HEATR5A: variants seen among roughly 807,000 people sequenced by gnomAD.
HEATR5A encodes the protein HEAT repeat containing 5A, also known as HEAT repeat-containing protein 5A.
In HEATR5A, 178 loss-of-function variants were observed where a neutral mutation model predicts 218.8. The observed-to-expected ratio is 0.81, with a 90% CI of 0.72 to 0.92. The LOEUF (loss-of-function observed/expected upper bound fraction) is 0.92. HEATR5A is among the 40% of genes least tolerant of loss of function. HEATR5A has a pLI of 0.00. For synonymous variants in HEATR5A, 864 were observed against 871.6 expected (o/e 0.99, Z 0.15); for missense variants, 2,420 against 2,418.9 (o/e 1.00, Z -0.01).
chr14:31,346,388 G>C (rs1005864944), intron 19 of HEATR5A, among the ~76,000 whole-genome samples: 1 of 152,238 alleles, frequency 6.6e-6, no homozygotes, highest in Non-Finnish European at 1.5e-5. Context: ...TCAAGTACTA[G>C]ATGAAGTGGA....
chr14:31,313,500 A>C (rs552152418), intron 27 of HEATR5A, among the ~76,000 whole-genome samples: 3 of 152,334 alleles, frequency 2.0e-5, no homozygotes, highest in African/African-American at 7.2e-5. Flanking sequence ...TGGCCTAATA[A>C]TCCATCTTAA....
Position 31,326,295 on chromosome 14 carries a change from G to A in HEATR5A, c.3415C>T (p.Leu1139=), listed in dbSNP as rs1327731076. The A allele has an allele frequency of 6.2e-7, 1 of 1,613,250 alleles. No individual in the cohort carries two copies. Among genetic ancestry groups the A allele is most frequent in the Non-Finnish European group, 8.5e-7 (1 of 1,179,462 alleles). Residue 1139 remains leucine (L), a synonymous_variant, in exon 23 of 36, where the codon CTA becomes TTA. Coordinates refer to ENST00000543095, the MANE Select transcript of HEATR5A (RefSeq NM_015473.4). ...AATCTCTCATCTGTCTCCTTGTCTA[G>A]TAAGATCAACAATGCCCCCTCAAGG... ...VGLEGALLIL[L]DKETDERLCH...
At chr14:31,386,162 G>T (rs2030210686) in intron 9 of HEATR5A, among the ~76,000 whole-genome samples, 1 of 152,166 alleles carries the variant, frequency 6.6e-6, no homozygotes, top group Non-Finnish European at 1.5e-5. Flanking sequence ...GAAAGTTCAG[G>T]TTTACTTCTC....
chr14:31,336,209 CATACATACATAT>C (rs1287967647), intron 22 of HEATR5A, among the ~76,000 whole-genome samples: 1,157 of 57,522 alleles, frequency 0.02, 57 homozygotes, highest in South Asian at 0.032. Context: ...TTTATATATA[CATACATACATAT>C]ATATATATAT....
At chr14:31,414,987 G>A (rs6571420) in intron 1 of HEATR5A, among the ~76,000 whole-genome samples, 129,584 of 152,042 alleles carry the variant, frequency 0.85, 55,421 homozygotes, top group East Asian at 0.94. Flanking sequence ...ATTAAGGCGC[G>A]CACCACCATG....
At chr14:31,297,681 A>C (rs1000971655) in intron 33 of HEATR5A, 14 of 151,980 alleles carry the variant, frequency 9.2e-5, no homozygotes, top group African/African-American at 3.1e-4. Context: ...TAAAATAAGT[A>C]CACAGTTAAT....
rs746834733 is a variant in HEATR5A, at chr14:31,380,589, A to G, written c.1597-11T>C. On this transcript the variant is annotated splice_polypyrimidine_tract_variant and intron_variant, in intron 10 of 35. Transcript: ENST00000543095. ...TAATGTCATAATAATCTATTTACAT[A>G]TAGAACAAGTTTTAAAAAAAGCATA... 3.3e-5 allele frequency: 51 copies of G among 1,529,938 alleles called. 1 individual carries two copies. In the Admixed American group the frequency reaches 9.7e-4, roughly 29 times the overall value. 94.8% of individuals were successfully genotyped at this position (1,529,938 alleles called of 1,614,324 possible). A position where few individuals can be genotyped will look rare whatever the true frequency, so the allele number is the denominator to read the frequency against.
chr14:31,330,347 A>G (rs1243596486), intron 22 of HEATR5A, among the ~76,000 whole-genome samples: 3 of 152,164 alleles, frequency 2.0e-5, no homozygotes, highest in Non-Finnish European at 2.9e-5. Context: ...GCTGGAACAC[A>G]AGGCAACAAT....
intron 22 of HEATR5A, among the ~76,000 whole-genome samples, chr14:31,326,924 T>C (rs1396942780): frequency 6.6e-6 from 1 of 151,396 alleles, no homozygotes; most frequent in African/African-American, 2.4e-5. Context: ...AGATTACAGG[T>C]GTGAGCCACT....
chr14:31,365,527 A>G (rs1049303359), intron 13 of HEATR5A, among the ~76,000 whole-genome samples: 3 of 151,436 alleles, frequency 2.0e-5, no homozygotes, highest in African/African-American at 7.3e-5. Flanking sequence ...CGCCTGGCTA[A>G]TTTTTTGTAT....
At chr14:31,320,763 C>T (rs1233396701) in intron 25 of HEATR5A, 1 of 341,946 alleles carries the variant, frequency 2.9e-6, no homozygotes, top group South Asian at 2.4e-5. Flanking sequence ...ATTTTTTTTC[C>T]CCCTCTCTGG....
intron 4 of HEATR5A, among the ~76,000 whole-genome samples, 187 bp from the exon 5 acceptor site, chr14:31,395,535 C>G (rs936793489): frequency 4.6e-5 from 7 of 152,128 alleles, no homozygotes; most frequent in African/African-American, 7.2e-5. Context: ...CTTGTATACA[C>G]TGATTTTCAA....
chr14:31,360,435 T>C (rs1359756707), intron 14 of HEATR5A, among the ~76,000 whole-genome samples: 1 of 152,160 alleles, frequency 6.6e-6, no homozygotes, highest in Non-Finnish European at 1.5e-5. Context: ...AGTTCATAAG[T>C]GGTATTGTGT....
chr14:31,379,814 C>T (rs915153954), intron 11 of HEATR5A, among the ~76,000 whole-genome samples: 3 of 151,966 alleles, frequency 2.0e-5, no homozygotes, highest in Admixed American at 6.6e-5. Context: ...TTAAATTAGC[C>T]AGGCATGATG....
Position 31,293,355 on chromosome 14 carries a change from T to C in HEATR5A, c.6091A>G (p.Lys2031Glu), listed in dbSNP as rs993784773. ...ATGCTTGAGTTTTTTCCAGGACTCTTAGTATATTTAGATGTTGGTATCTTG... is the reference window on the plus strand; with the variant it reads ...ATGCTTGAGTTTTTTCCAGGACTCTCAGTATATTTAGATGTTGGTATCTTG... ...KVKIPTSKYT[K>E]SPGKNSSIQL... The change falls in exon 36 of 36, where the codon AAG (lysine) becomes GAG (glutamate). Residue 2031 changes from lysine to glutamate, a missense_variant. Transcript: ENST00000543095. 3.7e-6 allele frequency: 6 copies of C among 1,610,784 alleles called. No individual in the cohort carries two copies. In the African/African-American group the frequency reaches 8.0e-5, roughly 22 times the overall value.
rs1409444800 is a variant in HEATR5A at position 31,321,489 on chromosome 14, A to C, written c.3969+10T>G. ...TTTAATAATAAAATTCTCTAAAAGA[A>C]AGTGCTTACATTGGCTTGATACTGT... On this transcript the variant is annotated intron_variant, in intron 25 of 35. Coordinates refer to ENST00000543095, the MANE Select transcript of HEATR5A (RefSeq NM_015473.4). 5 of 1,561,308 alleles carry C rather than the reference A, an allele frequency of 3.2e-6. No homozygotes were observed.
chr14:31,384,475 C>T (rs2030125248), intron 9 of HEATR5A, among the ~76,000 whole-genome samples: 1 of 150,486 alleles, frequency 6.6e-6, no homozygotes, highest in Admixed American at 6.6e-5. Flanking sequence ...CCCTGCCCCA[C>T]CCTCTTTTTA....
chr14:31,379,578 A>C (rs1372240106), intron 11 of HEATR5A, among the ~76,000 whole-genome samples: 1 of 152,186 alleles, frequency 6.6e-6, no homozygotes, highest in African/African-American at 2.4e-5. Flanking sequence ...TCTAGCTATA[A>C]CTTGTATGAC....
intron 24 of HEATR5A, among the ~76,000 whole-genome samples, chr14:31,322,581 G>C (rs912014691): frequency 3.3e-5 from 5 of 152,266 alleles, no homozygotes; most frequent in Non-Finnish European, 7.4e-5. Flanking sequence ...CACTTTGGGA[G>C]GCTGAGGTGG....
Sources: gnomAD v4.1 joint callset for allele counts (sites outside exome capture counted in the v4.1 genomes callset) on GRCh38, gnomAD v4.1.1 for gene constraint, MANE v1.5 for transcripts, NCBI Gene and HGNC (gene_info 2026-07-23, HGNC 2026-07-21) for gene names.